The following GNAQ variants were observed in gnomAD, a reference collection of about 807,000 sequenced individuals.
GNAQ encodes guanine nucleotide-binding protein G(q) subunit alpha.
Under a neutral mutation model 43.9 loss-of-function variants are expected in GNAQ, and 8 were observed. The observed-to-expected ratio is 0.18, with a 90% CI of 0.11 to 0.33. GNAQ has a LOEUF of 0.33. Ranked by LOEUF, GNAQ falls within the 10% of genes least tolerant of loss-of-function variation. The pLI is 1.00. For missense variants in GNAQ, 158 were observed against 450.8 expected (o/e 0.35, Z 5.88); for synonymous variants, 155 against 170.7 (o/e 0.91, Z 0.71).
chr9:77,955,554 A>C (rs1340378756), intron 1 of GNAQ, among the ~76,000 whole-genome samples: 18 of 152,218 alleles, frequency 1.2e-4, no homozygotes, highest in Non-Finnish European at 2.4e-4. Flanking sequence ...ATGCGAAACA[A>C]ATCTATTAAT....
intron 2 of GNAQ, among the ~76,000 whole-genome samples, chr9:77,842,182 C>T (rs1305940214): frequency 6.6e-6 from 1 of 152,204 alleles, no homozygotes; most frequent in Admixed American, 6.5e-5. Flanking sequence ...ACTCCCATCC[C>T]CTATTCTAGC....
intron 1 of GNAQ, among the ~76,000 whole-genome samples, chr9:77,982,449 T>C (rs953982817): frequency 2.2e-4 from 33 of 152,282 alleles, no homozygotes; most frequent in African/African-American, 7.5e-4. Flanking sequence ...CACAGAAATT[T>C]TCCACATGGA....
chr9:77,925,991 T>A (rs1273787770), intron 1 of GNAQ, among the ~76,000 whole-genome samples: 1 of 152,242 alleles, frequency 6.6e-6, no homozygotes, highest in Non-Finnish European at 1.5e-5. Flanking sequence ...TATTGTCATT[T>A]GTATTATTTT....
chr9:77,906,320 T>C (rs7022288), intron 2 of GNAQ, among the ~76,000 whole-genome samples: 2,890 of 152,222 alleles, frequency 0.019, 90 homozygotes, highest in African/African-American at 0.065. Flanking sequence ...ACCAATTAGA[T>C]TGGAAAGACC....
chr9:77,991,825 T>A (rs1823511774), intron 1 of GNAQ, among the ~76,000 whole-genome samples: 1 of 152,230 alleles, frequency 6.6e-6, no homozygotes, highest in Non-Finnish European at 1.5e-5. Flanking sequence ...GATATTTAGT[T>A]TTCCATTCCT....
chr9:77,947,906 T>C (rs1191923825), intron 1 of GNAQ, among the ~76,000 whole-genome samples: 2 of 152,112 alleles, frequency 1.3e-5, no homozygotes, highest in African/African-American at 4.8e-5. Flanking sequence ...CTGTGGGACC[T>C]AGAGCAACTT....
intron 4 of GNAQ, among the ~76,000 whole-genome samples, chr9:77,795,155 A>G (rs1262905787): frequency 6.6e-6 from 1 of 152,148 alleles, no homozygotes; most frequent in African/African-American, 2.4e-5. Context: ...TTTCTTCCCA[A>G]TATTGATAAG....
intron 2 of GNAQ, among the ~76,000 whole-genome samples, chr9:77,920,638 T>C (rs965478653): frequency 6.6e-6 from 1 of 152,290 alleles, no homozygotes; most frequent in Non-Finnish European, 1.5e-5. Flanking sequence ...GATATATCCA[T>C]GCAGCTTACT....
chr9:77,819,626 A>G (rs1827080485), intron 2 of GNAQ, among the ~76,000 whole-genome samples: 1 of 152,188 alleles, frequency 6.6e-6, no homozygotes. Context: ...CAACACACAC[A>G]GAAGACCTCA....
chr9:77,794,864 G>C (rs552257982), intron 4 of GNAQ, among the ~76,000 whole-genome samples: 2 of 152,218 alleles, frequency 1.3e-5, no homozygotes, highest in South Asian at 4.2e-4. Context: ...CCTTATCTGT[G>C]CCAAGCAAAA....
intron 5 of GNAQ, among the ~76,000 whole-genome samples, chr9:77,731,262 A>T (rs1448048669): frequency 1.3e-5 from 2 of 152,130 alleles, no homozygotes; most frequent in African/African-American, 4.8e-5. Context: ...GCATTGATAT[A>T]GAAGAAGGTG....
intron 2 of GNAQ, among the ~76,000 whole-genome samples, chr9:77,839,507 G>C (rs1827447959): frequency 6.6e-6 from 1 of 152,172 alleles, no homozygotes; most frequent in Non-Finnish European, 1.5e-5. Context: ...TTCCTCATTT[G>C]ATTTTAAATA....
chr9:77,921,275 C>A (rs554654722), intron 2 of GNAQ, among the ~76,000 whole-genome samples: 24 of 152,280 alleles, frequency 1.6e-4, no homozygotes, highest in African/African-American at 5.8e-4. Context: ...AATAGATATC[C>A]CTTCCCTTGG....
At chr9:77,943,521 A>G (rs1176472649) in intron 1 of GNAQ, among the ~76,000 whole-genome samples, 1 of 152,146 alleles carries the variant, frequency 6.6e-6, no homozygotes, top group Non-Finnish European at 1.5e-5. Flanking sequence ...GGATAAACTC[A>G]AAAGTGTCTT....
At chr9:77,843,725 T>A (rs556150998) in intron 2 of GNAQ, among the ~76,000 whole-genome samples, 17 of 152,202 alleles carry the variant, frequency 1.1e-4, no homozygotes, top group Non-Finnish European at 2.5e-4. Flanking sequence ...TTTGGAAATA[T>A]AATGAACACA....
intron 2 of GNAQ, among the ~76,000 whole-genome samples, chr9:77,902,323 T>C (rs1220343681): frequency 6.6e-6 from 1 of 152,238 alleles, no homozygotes; most frequent in Non-Finnish European, 1.5e-5. Context: ...TATCATTTTC[T>C]CTTACTTGTG....
chr9:77,824,406 T>G (rs1564121711), intron 2 of GNAQ, among the ~76,000 whole-genome samples: 7 of 152,212 alleles, frequency 4.6e-5, no homozygotes, highest in Admixed American at 3.9e-4. Context: ...TCAAATATTT[T>G]CATAGAACTA....
chr9:77,826,679 GGATCTCTCCAAGCCTCAA>G (rs1827203176), intron 2 of GNAQ, among the ~76,000 whole-genome samples: 1 of 152,084 alleles, frequency 6.6e-6, no homozygotes, highest in Admixed American at 6.5e-5. Context: ...ACTTGCTTTG[GGATCTCTCCAAGCCTCAA>G]TTTCCTTATC....
intron 2 of GNAQ, among the ~76,000 whole-genome samples, chr9:77,839,475 C>T (rs1827447434): frequency 6.6e-6 from 1 of 152,198 alleles, no homozygotes; most frequent in African/African-American, 2.4e-5. Context: ...AAATTTTAAA[C>T]TTCCAAATTA....
Sources: allele counts gnomAD v4.1 joint callset (sites outside exome capture counted in the v4.1 genomes callset), GRCh38; gene constraint gnomAD v4.1.1; transcripts MANE v1.5; gene names NCBI Gene and HGNC (gene_info 2026-07-23, HGNC 2026-07-21).